Variants in ARHGEF7 observed in about 807,000 individuals in gnomAD.
The protein encoded by ARHGEF7 is PAK-interacting exchange factor beta.
ARHGEF7 carries 33 observed loss-of-function variants against 109.8 expected under a neutral mutation model. The observed-to-expected ratio is 0.30, with a 90% CI of 0.23 to 0.40. ARHGEF7 has a LOEUF of 0.40. Among genes scored for constraint, ARHGEF7 ranks in the 10% least tolerant of loss-of-function variants. The probability of loss-of-function intolerance (pLI) is 1.00; values close to 1 mark genes in which losing one functional copy is unlikely to be tolerated. For synonymous variants in ARHGEF7, 458 were observed against 424.6 expected, an observed-to-expected ratio of 1.08 and a Z score of -0.97; for missense variants, 938 against 1,098.5, an observed-to-expected ratio of 0.85 and a Z score of 2.07.
intron 2 of ARHGEF7, among the ~76,000 whole-genome samples, chr13:111,161,930 A>G (rs190045291): frequency 5.1e-4 from 78 of 152,244 alleles, no homozygotes; most frequent in African/African-American, 1.7e-3. Flanking sequence ...CCATTTTTGG[A>G]TACAGAGGTG....
At chr13:111,147,260 G>T (rs879730008) in intron 1 of ARHGEF7, among the ~76,000 whole-genome samples, 1 of 152,182 alleles carries the variant, frequency 6.6e-6, no homozygotes, top group African/African-American at 2.4e-5. Flanking sequence ...ATTTAACTTT[G>T]CAAGAAACGG....
rs148155229 is a variant in ARHGEF7 at position 111,213,748 on chromosome 13, G to T, written c.468+3746G>T. Among the ~76,000 whole-genome samples the T allele has an allele frequency of 6.2e-4, 95 of 152,270 alleles. 2 individuals carry two copies. Among genetic ancestry groups the T allele is most frequent in the African/African-American group, 2.0e-3 (84 of 41,556 alleles). ...AAAAAAGGGAAAAAAACCCCACAAT[G>T]ATAAAATAGTGATGAAATCCATCTC... On this transcript the variant is annotated intron_variant, in intron 4 of 21. Transcript: ENST00000646102.
Position 111,183,936 on chromosome 13 carries a change from C to T in ARHGEF7, c.253-21353C>T, listed in dbSNP as rs114991040. ...TTGACGGGGGTCACTTGCTTATGGC[C>T]GGGTGCGGGTGGGACTGCATTTTTT... On this transcript the variant is annotated intron_variant, in intron 2 of 21. Coordinates refer to ENST00000646102, the MANE Select transcript of ARHGEF7 (RefSeq NM_001354046.2). Among the ~76,000 whole-genome samples the T allele has an allele frequency of 3.7e-3, 570 of 152,138 alleles. 4 individuals carry two copies. The highest frequency in any genetic ancestry group is 0.013 in the African/African-American group (544 of 41,480).
Position 111,288,463 on chromosome 13 carries a change from C to T in ARHGEF7, c.2134+20C>T, listed in dbSNP as rs2093121334. The stretch of plus-strand genomic sequence containing the variant: ...ATTCAAGTAAGTTTAGCAATAAGGC[C>T]TGGGAAGTGTGGTGGTTTATTCTGT... On this transcript the variant is annotated intron_variant, in intron 18 of 21. Coordinates refer to ENST00000646102, the MANE Select transcript of ARHGEF7 (RefSeq NM_001354046.2). 2 of 1,582,240 alleles carry T rather than the reference C, an allele frequency of 1.3e-6. No homozygotes were observed. The highest frequency in any genetic ancestry group is 4.5e-5 in the East Asian group (2 of 44,752).
At chr13:111,186,791 T>C (rs1026838751) in intron 2 of ARHGEF7, 22 of 985,266 alleles carry the variant, frequency 2.2e-5, no homozygotes, top group Non-Finnish European at 2.0e-5. Flanking sequence ...CCACTAAAGC[T>C]TCAGTGAGCC....
intron 5 of ARHGEF7, among the ~76,000 whole-genome samples, chr13:111,229,781 A>G: frequency 6.6e-6 from 1 of 152,150 alleles, no homozygotes; most frequent in East Asian, 1.9e-4. Flanking sequence ...CCAGGCAGGT[A>G]CTGGTAGTCC....
At chr13:111,300,952 CTT>C (rs879157413) in intron 20 of ARHGEF7, 105 bp downstream of exon 20, 1,156 of 481,560 alleles carry the variant, frequency 2.4e-3, no homozygotes, top group South Asian at 4.1e-3. Context: ...AGAAGCTTCA[CTT>C]TTTTTTTTTT....
intron 14 of ARHGEF7, 39 bp from the exon 15 acceptor site, chr13:111,280,497 CTG>C: frequency 6.3e-7 from 1 of 1,577,802 alleles, no homozygotes; most frequent in South Asian, 1.2e-5. Flanking sequence ...TGCTTTTTAC[CTG>C]TGTTTCCACT....
chr13:111,166,358 T>C (rs1250978852), intron 2 of ARHGEF7, among the ~76,000 whole-genome samples: 3 of 152,120 alleles, frequency 2.0e-5, no homozygotes, highest in Admixed American at 6.5e-5. Flanking sequence ...CCAAGTGATA[T>C]GGAGCCTCTG....
At chr13:111,236,625 T>G (rs374919729) in intron 6 of ARHGEF7, among the ~76,000 whole-genome samples, 48 of 152,310 alleles carry the variant, frequency 3.2e-4, no homozygotes, top group African/African-American at 1.2e-3. Context: ...CACTTTTGGG[T>G]AGCATAATTT....
chr13:111,280,512 G>A (rs760165327), intron 14 of ARHGEF7, 26 bp from the exon 15 acceptor site: 50 of 1,576,750 alleles, frequency 3.2e-5, no homozygotes, highest in Non-Finnish European at 4.1e-5. Context: ...TTTCCACTCG[G>A]CCTATTTTTT....
intron 1 of ARHGEF7, among the ~76,000 whole-genome samples, chr13:111,123,866 C>A (rs1053041683): frequency 1.8e-5 from 1 of 55,520 alleles, no homozygotes; most frequent in South Asian, 6.4e-4. Context: ...GGCTGCGCCC[C>A]CCCCCCCCGG....
At chr13:111,157,324 CT>C (rs1362415826) in intron 2 of ARHGEF7, among the ~76,000 whole-genome samples, 1 of 150,492 alleles carries the variant, frequency 6.6e-6, no homozygotes, top group Non-Finnish European at 1.5e-5. Context: ...CAAAAAACCC[CT>C]AGGCACACAA....
chr13:111,147,480 G>A (rs1023474756), intron 1 of ARHGEF7, among the ~76,000 whole-genome samples: 2 of 152,134 alleles, frequency 1.3e-5, no homozygotes, highest in African/African-American at 2.4e-5. Flanking sequence ...CCATTCGTTT[G>A]TATAGCTTCT....
chr13:111,290,532 A>T (rs1434269645), intron 18 of ARHGEF7, among the ~76,000 whole-genome samples: 2 of 152,124 alleles, frequency 1.3e-5, no homozygotes, highest in Non-Finnish European at 1.5e-5. Context: ...CCTGTGGGTG[A>T]GGGCCGACTG....
At position 111,217,790 on chromosome 13, in the gene ARHGEF7, C is replaced by T. The variant is rs1448254683; in HGVS notation, c.580C>T (p.Arg194Cys). ...AAAAGGAGACGTCATCCATGTCACC[C>T]GTGTGGAAGAGGGAGGCTGGTGGGA... ...FSKGDVIHVT[R>C]VEEGGWWEGT... is the part of the protein sequence containing the mutation. The change falls in exon 5 of 22, where the codon CGT becomes TGT. Residue 194 changes from arginine to cysteine, a missense_variant. This residue lies in a region of ARHGEF7 where 585 missense variants were observed against 723.6 expected (regional missense o/e 0.81). Coordinates refer to ENST00000646102, the MANE Select transcript of ARHGEF7 (RefSeq NM_001354046.2). 7 of 1,614,088 alleles carry T rather than the reference C, an allele frequency of 4.3e-6. No homozygotes were observed. The highest frequency in any genetic ancestry group is 1.3e-5 in the African/African-American group (1 of 74,950).
chr13:111,177,309 C>T (rs1003923397), intron 2 of ARHGEF7, among the ~76,000 whole-genome samples: 4 of 152,204 alleles, frequency 2.6e-5, no homozygotes, highest in Non-Finnish European at 4.4e-5. Flanking sequence ...TGAAGAAACA[C>T]AAATGATGTT....
At chr13:111,292,374 A>T (rs2093316556) in intron 19 of ARHGEF7, 80 bp downstream of exon 19, 2 of 1,583,118 alleles carry the variant, frequency 1.3e-6, no homozygotes, top group African/African-American at 1.4e-5. Context: ...GTTGTATCGC[A>T]GCCTGCTTTT....
intron 2 of ARHGEF7, among the ~76,000 whole-genome samples, chr13:111,188,872 A>G (rs2079547972): frequency 6.6e-6 from 1 of 152,216 alleles, no homozygotes; most frequent in Admixed American, 6.5e-5. Flanking sequence ...CCTCTCCTTC[A>G]GGAATAAGTT....
Sources: gnomAD v4.1 joint callset for allele counts (sites outside exome capture counted in the v4.1 genomes callset) on GRCh38, gnomAD v4.1.1 for gene constraint, gnomAD v4.1.1 regional missense constraint, MANE v1.5 for transcripts, NCBI Gene and HGNC (gene_info 2026-07-23, HGNC 2026-07-21) for gene names.